The following ERI2 variants were observed in gnomAD, a reference collection of about 807,000 sequenced individuals.
ERI2 encodes ERI1 exoribonuclease family member 2, also known as ERI1 exoribonuclease 2.
A neutral mutation model predicts 46.8 loss-of-function variants in ERI2; 35 were observed. The observed-to-expected ratio is 0.75, with a 90% confidence interval of 0.57 to 0.99. The LOEUF is 0.99. Ranked by LOEUF, ERI2 falls within the 50% of genes least tolerant of loss-of-function variation. The pLI is 0.00. For synonymous variants in ERI2, 224 were observed against 271.0 expected (o/e 0.83, Z 1.70); for missense variants, 695 against 796.2 (o/e 0.87, Z 1.53).
In ERI2 at chr16:20,790,660, G is replaced by T. The variant is rs373178853; in HGVS notation, c.815+190C>A. ...ATTGGCATTCAAGTTCTACCCAACC[G>T]ACCATTTGGCCTTTTTACTCATTAC... On this transcript the variant is annotated intron_variant, in intron 9 of 10. Coordinates refer to the ERI2 transcript ENST00000300005. This position sits in a 1 kb window ranked among gnomAD's most constrained non-coding sequence, Gnocchi z 4.0. The T allele has an allele frequency of 6.2e-7, 1 of 1,613,934 alleles. No individual in the cohort carries two copies. Among genetic ancestry groups the T allele is most frequent in the Admixed American group, 1.7e-5 (1 of 59,986 alleles).
chr16:20,792,338 A>G (rs1183254353), downstream of ERI2: 3 of 1,613,910 alleles, frequency 1.9e-6, no homozygotes, highest in South Asian at 3.3e-5. Flanking sequence ...GAGGAGAGGT[A>G]AAAGAACTGA....
At chr16:20,802,480 C>A (rs957305604) in intron 4 of ERI2, among the ~76,000 whole-genome samples, 1 of 152,080 alleles carries the variant, frequency 6.6e-6, no homozygotes, top group Non-Finnish European at 1.5e-5. Flanking sequence ...CCTGCAGCCT[C>A]AAACTCCTGG....
intron 1 of ERI2, chr16:20,806,122 C>T (rs1456709931): frequency 1.3e-5 from 17 of 1,332,172 alleles, no homozygotes; most frequent in Non-Finnish European, 1.6e-5. Context: ...AGTCGTTTCC[C>T]AAGGCCTAAA....
rs1034278981 is a variant in ERI2, at chr16:20,798,883, G to T, written c.917C>A (p.Ala306Glu). Residue 306 changes from alanine to glutamate, a missense_variant, in exon 9 of 9, where the codon GCA becomes GAA. Ala to Glu is a moderately radical substitution (Grantham distance 107). Coordinates refer to ENST00000357967, the MANE Select transcript of ERI2 (RefSeq NM_001142725.2). ...TTTTACTTGTAATTGATCCTGTTGT[G>T]CCTTTATAGGAGAATTTGCACAAAT... is the stretch of plus-strand genomic sequence containing the variant. ...KSICANSPIK[A>E]QQDQLQVKNN... is the part of the protein sequence containing the mutation. The T allele has an allele frequency of 6.4e-7, 1 of 1,550,456 alleles. No individual in the cohort carries two copies.
In ERI2 at chr16:20,785,853, CAT is replaced by C. The variant is rs534271016; in HGVS notation, c.894+3624_894+3625del. On this transcript the variant is annotated intron_variant, in intron 10 of 10. Transcript: ENST00000300005. ...ATATAAATGCAAATGTTAATATACT[CAT>C]GTTTTGATAAATATGGATATATGAG... Among the ~76,000 whole-genome samples the C allele has an allele frequency of 1.2e-3, 188 of 152,152 alleles. 1 individual carries two copies. The highest frequency in any genetic ancestry group is 4.1e-3 in the African/African-American group (170 of 41,522).
chr16:20,785,256 ATTGC>A, intron 10 of ERI2: 4 of 1,077,724 alleles, frequency 3.7e-6, no homozygotes, highest in Admixed American at 5.6e-5. Flanking sequence ...CAAGAACCTA[ATTGC>A]AAAAAAGCTC....
intron 8 of ERI2, 43 bp downstream of exon 8, chr16:20,799,220 T>C (rs2080769914): frequency 1.2e-6 from 2 of 1,604,064 alleles, no homozygotes; most frequent in African/African-American, 1.3e-5. Context: ...TGACTGTTTA[T>C]GAAGTTTGAG....
chr16:20,780,410 C>T (rs1020636891), exon 11 of ERI2: 2 of 537,186 alleles, frequency 3.7e-6, no homozygotes, highest in African/African-American at 3.8e-5. Context: ...ACTCCTTACT[C>T]TGCTGGAGGT....
downstream of ERI2, among the ~76,000 whole-genome samples, chr16:20,795,366 G>A (rs932703179): frequency 1.3e-5 from 2 of 152,144 alleles, no homozygotes; most frequent in African/African-American, 4.8e-5. Context: ...TTCATACAAT[G>A]TAAAACTGCC....
At chr16:20,791,113 G>C (rs1489454154) in intron 8 of ERI2, among the ~76,000 whole-genome samples, 1 of 152,148 alleles carries the variant, frequency 6.6e-6, no homozygotes, top group African/African-American at 2.4e-5. Flanking sequence ...GCTCCTTACT[G>C]TTTACAACAA....
chr16:20,801,205 GACC>G lies in ERI2; in HGVS notation c.455_457del (p.Trp152del), dbSNP rs1420182470. 6.2e-7 allele frequency: 1 copy of G among 1,608,126 alleles called. No homozygotes were observed. ...AATAGGTATAACTTATTCTTTACCT[GACC>G]AAGTAACAAATGCACATAATTTTAC... On this transcript the variant is annotated inframe_deletion, in exon 5 of 9. Transcript: ENST00000357967.
chr16:20,806,087 C>A (rs1176566845), intron 1 of ERI2: 19 of 1,258,836 alleles, frequency 1.5e-5, no homozygotes, highest in Non-Finnish European at 1.6e-5. Flanking sequence ...GACCTCCAAC[C>A]AGTCTGCAGG....
In ERI2 at chr16:20,801,195, T is replaced by C; in HGVS notation, c.460+8A>G. On this transcript the variant is annotated splice_region_variant and intron_variant, in intron 5 of 8. Coordinates refer to ENST00000357967, the MANE Select transcript of ERI2 (RefSeq NM_001142725.2). ...ATCTGTGATTAATAGGTATAACTTA[T>C]TCTTTACCTGACCAAGTAACAAATG... 2 of 1,606,254 alleles carry C rather than the reference T, an allele frequency of 1.2e-6. No homozygotes were observed. The highest frequency in any genetic ancestry group is 1.7e-6 in the Non-Finnish European group (2 of 1,176,884).
downstream of ERI2, chr16:20,792,471 C>T (rs1030616741): frequency 1.3e-6 from 2 of 1,505,966 alleles, no homozygotes; most frequent in African/African-American, 2.8e-5. Flanking sequence ...ATATGCTAGT[C>T]AGAAAGAACT....
chr16:20,806,449 T>C lies in ERI2; in HGVS notation c.-19A>G, dbSNP rs1343842421. 6.4e-7 allele frequency: 1 copy of C among 1,552,886 alleles called. No homozygotes were observed. ...TCGCCATTCCCGACACTCCTTGCTT[T>C]TCCAAGTCCAGCTGCCGGAAGTCGC... On this transcript the variant is annotated 5_prime_UTR_variant, in exon 1 of 9. Transcript: ENST00000357967.
chr16:20,797,835 A>T lies in ERI2; in HGVS notation c.1965T>A (p.His655Gln). The change falls in exon 9 of 9, where the codon CAT becomes CAA. Residue 655 changes from histidine (H) to glutamine (Q), a missense_variant. Coordinates refer to ENST00000357967, the MANE Select transcript of ERI2 (RefSeq NM_001142725.2). ...AACTAAAAGTGAGTCCCCCTGTGGAATGAGATGGAACCATGCTGTTGGCTC... is the reference window on the plus strand; with the variant it reads ...AACTAAAAGTGAGTCCCCCTGTGGATTGAGATGGAACCATGCTGTTGGCTC... ...KERANSMVPS[H>Q]STGGLTFSSP... 6.4e-7 allele frequency: 1 copy of T among 1,551,556 alleles called. No individual in the cohort carries two copies. The highest frequency in any genetic ancestry group is 1.7e-4 in the Middle Eastern group (1 of 5,992).
intron 10 of ERI2, chr16:20,789,422 T>G (rs1387825783): frequency 7.8e-6 from 10 of 1,276,214 alleles, no homozygotes; most frequent in Non-Finnish European, 1.1e-5. Context: ...GGTAGACACT[T>G]CAGGGAATGA....
At position 20,797,306 on chromosome 16, in the gene ERI2, A is replaced by G; in HGVS notation, c.*418T>C. ...ACTTTAGTTGACTAATTCTTCTGAT[A>G]TGTTGATATACAAATCAGAACCAAT... On this transcript the variant is annotated 3_prime_UTR_variant, in exon 9 of 9. Coordinates refer to ENST00000357967, the MANE Select transcript of ERI2 (RefSeq NM_001142725.2). 1.9e-6 allele frequency: 2 copies of G among 1,033,004 alleles called. No homozygotes were observed. Among genetic ancestry groups the G allele is most frequent in the South Asian group, 8.3e-5 (2 of 24,032 alleles). The allele number at this position is 1,033,004 out of a possible 1,614,324, so 64.0% of individuals were successfully genotyped here.
chr16:20,796,120 T>A, downstream of ERI2: 1 of 455,998 alleles, frequency 2.2e-6, no homozygotes. Flanking sequence ...GACTACTGTT[T>A]ATAAGTAATC....
Sources: gnomAD v4.1 joint callset for allele counts (sites outside exome capture counted in the v4.1 genomes callset) on GRCh38, gnomAD v4.1.1 for gene constraint, Gnocchi (gnomAD v3.1) non-coding constraint, MANE v1.5 for transcripts, NCBI Gene and HGNC (gene_info 2026-07-23, HGNC 2026-07-21) for gene names.